Variants in KCNQ1OT1 observed in about 807,000 individuals in gnomAD.
KCNQ1OT1 encodes KCNQ1 opposite strand/antisense transcript 1.
At chr11:2,631,075 C>G (rs895956074) in exon 1 of KCNQ1OT1, 17 of 398,392 alleles carry the variant, frequency 4.3e-5, no homozygotes. Context: ...TAGATGGAAA[C>G]TAATTGTAAT....
At position 2,615,953 on chromosome 11, in the gene KCNQ1OT1, G is replaced by A. The variant is rs1272135242; in HGVS notation, n.84042C>T. 6 of 397,982 alleles carry A rather than the reference G, an allele frequency of 1.5e-5. No individual in the cohort carries two copies. In the Admixed American group the frequency reaches 1.8e-4, roughly 12 times the overall value. The allele number at this position is 397,982 out of a possible 1,614,324, so 24.7% of individuals were successfully genotyped here. On this transcript the variant is annotated non_coding_transcript_exon_variant, in exon 1 of 1. Transcript: ENST00000597346. ...AGGGATTGGTGTGAATTCTTCAAGT[G>A]TTTGGTATAATTCAACAGTGACGCC...
In KCNQ1OT1 at chr11:2,612,592, C is replaced by A. The variant is rs1040405259; in HGVS notation, n.87403G>T. 5.0e-6 allele frequency: 2 copies of A among 398,378 alleles called. No homozygotes were observed. Among genetic ancestry groups the A allele is most frequent in the African/African-American group, 4.1e-5 (2 of 48,608 alleles). The allele number at this position is 398,378 out of a possible 1,614,324, so 24.7% of individuals were successfully genotyped here. A position where few individuals can be genotyped will look rare whatever the true frequency, so the allele number is the denominator to read the frequency against. ...CAACTACAGAATTTCTATTTGGTTT[C>A]TAATTTCTATCTCTATATTGATATT... On this transcript the variant is annotated non_coding_transcript_exon_variant, in exon 1 of 1. Transcript: ENST00000597346. This position sits in a 1 kb window ranked among gnomAD's most constrained non-coding sequence, Gnocchi z 5.5.
At chr11:2,610,336 C>G (rs1848959286) in exon 1 of KCNQ1OT1, 1 of 397,914 alleles carries the variant, frequency 2.5e-6, no homozygotes. Flanking sequence ...TTATTATGCG[C>G]TATTATAATG....
Position 2,669,323 on chromosome 11 carries a change from C to T in KCNQ1OT1, n.30672G>A, listed in dbSNP as rs546651752. ...ATATGCCAGTTGCCATGGAAAGCCT[C>T]CTCTAGGCGCAGCAGCCTCTAGATG... On this transcript the variant is annotated non_coding_transcript_exon_variant, in exon 1 of 1. Transcript: ENST00000597346. This position sits in a 1 kb window ranked among gnomAD's most constrained non-coding sequence, Gnocchi z 5.6. The T allele has an allele frequency of 2.5e-6, 1 of 398,506 alleles. No individual in the cohort carries two copies. The highest frequency in any genetic ancestry group is 1.3e-4 in the South Asian group (1 of 7,856). The allele number at this position is 398,506 out of a possible 1,614,324, so 24.7% of individuals were successfully genotyped here. A position where few individuals can be genotyped will look rare whatever the true frequency, so the allele number is the denominator to read the frequency against.
Position 2,653,506 on chromosome 11 carries a change from T to A in KCNQ1OT1, n.46489A>T, listed in dbSNP as rs1849789878. The A allele has an allele frequency of 2.5e-6, 1 of 398,604 alleles. No homozygotes were observed. Among genetic ancestry groups the A allele is most frequent in the South Asian group, 1.3e-4 (1 of 7,858 alleles). The allele number at this position is 398,604 out of a possible 1,614,324, so 24.7% of individuals were successfully genotyped here. On this transcript the variant is annotated non_coding_transcript_exon_variant, in exon 1 of 1. Coordinates refer to ENST00000597346, the Ensembl canonical transcript of KCNQ1OT1. This position sits in a 1 kb window ranked among gnomAD's most constrained non-coding sequence, Gnocchi z 5.3. ...ACACAGCTGGACCCCAGAGCTGAGATGATCTTGCTCACTTGCTCTCACTCT... is the reference window on the plus strand; with the variant it reads ...ACACAGCTGGACCCCAGAGCTGAGAAGATCTTGCTCACTTGCTCTCACTCT...
chr11:2,630,456 T>TG, exon 1 of KCNQ1OT1: 1 of 398,362 alleles, frequency 2.5e-6, no homozygotes, highest in Admixed American at 4.4e-5. Context: ...CCTCTTTGTT[T>TG]GGGGGGAATA....
Position 2,617,779 on chromosome 11 carries a change from G to A in KCNQ1OT1, n.82216C>T, listed in dbSNP as rs1172621891. ...TAATTTTGATTTGCATTTCCCTGAC[G>A]ATTAGTGATGTTAAATGTCTTTTCA... On this transcript the variant is annotated non_coding_transcript_exon_variant, in exon 1 of 1. Transcript: ENST00000597346. The surrounding 1 kb of genome is among the most constrained non-coding windows in gnomAD (Gnocchi z 4.6). 5 of 398,372 alleles carry A rather than the reference G, an allele frequency of 1.3e-5. No homozygotes were observed. Among genetic ancestry groups the A allele is most frequent in the South Asian group, 1.3e-4 (1 of 7,856 alleles). 24.7% of individuals were successfully genotyped at this position (398,372 alleles called of 1,614,324 possible). A position where few individuals can be genotyped will look rare whatever the true frequency, so the allele number is the denominator to read the frequency against.
In KCNQ1OT1 at chr11:2,657,892, C is replaced by G. The variant is rs1849878342; in HGVS notation, n.42103G>C. 1 of 398,600 alleles carries G rather than the reference C, an allele frequency of 2.5e-6. No homozygotes were observed. Among genetic ancestry groups the G allele is most frequent in the Non-Finnish European group, 4.4e-6 (1 of 226,050 alleles). The allele number at this position is 398,600 out of a possible 1,614,324, so 24.7% of individuals were successfully genotyped here. Reference sequence around the variant, plus strand: ...GGAAGGAGGCCAGTGAGGTGAGATGCTTTCCTCATTGTGGAACATGACATC... The same window carrying G: ...GGAAGGAGGCCAGTGAGGTGAGATGGTTTCCTCATTGTGGAACATGACATC... On this transcript the variant is annotated non_coding_transcript_exon_variant, in exon 1 of 1. Transcript: ENST00000597346. This position sits in a 1 kb window ranked among gnomAD's most constrained non-coding sequence, Gnocchi z 4.8.
At position 2,674,432 on chromosome 11, in the gene KCNQ1OT1, G is replaced by C; in HGVS notation, n.25563C>G. On this transcript the variant is annotated non_coding_transcript_exon_variant, in exon 1 of 1. Transcript: ENST00000597346. This position sits in a 1 kb window ranked among gnomAD's most constrained non-coding sequence, Gnocchi z 5.9. ...GCGCGCCCGCGCGCACACGACCACA[G>C]AGGCTGGGGGGAGGCACGTGGGGAG... 5.0e-6 allele frequency: 2 copies of C among 398,644 alleles called. No homozygotes were observed. Among genetic ancestry groups the C allele is most frequent in the Non-Finnish European group, 4.4e-6 (1 of 226,096 alleles). 24.7% of individuals were successfully genotyped at this position (398,644 alleles called of 1,614,324 possible).
Position 2,651,234 on chromosome 11 carries a change from CA to C in KCNQ1OT1, n.48760del. ...TCTTGTGTCAGTCTCACAGCACACACAGCTTAATTCAGGAATTAAGCTGTGC... is the reference window on the plus strand; with the variant it reads ...TCTTGTGTCAGTCTCACAGCACACACGCTTAATTCAGGAATTAAGCTGTGC... On this transcript the variant is annotated non_coding_transcript_exon_variant, in exon 1 of 1. Transcript: ENST00000597346. The surrounding 1 kb of genome is among the most constrained non-coding windows in gnomAD (Gnocchi z 6.1). The C allele has an allele frequency of 2.5e-6, 1 of 398,696 alleles. No homozygotes were observed. Among genetic ancestry groups the C allele is most frequent in the Non-Finnish European group, 4.4e-6 (1 of 226,104 alleles). The allele number at this position is 398,696 out of a possible 1,614,324, so 24.7% of individuals were successfully genotyped here. A position where few individuals can be genotyped will look rare whatever the true frequency, so the allele number is the denominator to read the frequency against.
At chr11:2,672,653 A>G (rs2133870092) in exon 1 of KCNQ1OT1, 1 of 398,732 alleles carries the variant, frequency 2.5e-6, no homozygotes, top group East Asian at 3.6e-5. Context: ...CACTGAGACC[A>G]GATATGATAG....
In KCNQ1OT1 at chr11:2,651,718, C is replaced by T. The variant is rs1055703734; in HGVS notation, n.48277G>A. 5.0e-6 allele frequency: 2 copies of T among 398,482 alleles called. No homozygotes were observed. Among genetic ancestry groups the T allele is most frequent in the African/African-American group, 2.1e-5 (1 of 48,598 alleles). The allele number at this position is 398,482 out of a possible 1,614,324, so 24.7% of individuals were successfully genotyped here. A position where few individuals can be genotyped will look rare whatever the true frequency, so the allele number is the denominator to read the frequency against. On this transcript the variant is annotated non_coding_transcript_exon_variant, in exon 1 of 1. Coordinates refer to ENST00000597346, the Ensembl canonical transcript of KCNQ1OT1. The surrounding 1 kb of genome is among the most constrained non-coding windows in gnomAD (Gnocchi z 6.1). ...AATAGGCCATTTCCTAAGTAAGCAT[C>T]ATCCTCATTTCTATACGTTTTCTCT...
At position 2,642,144 on chromosome 11, in the gene KCNQ1OT1, T is replaced by A. The variant is rs1849590221; in HGVS notation, n.57851A>T. 2 of 398,298 alleles carry A rather than the reference T, an allele frequency of 5.0e-6. No individual in the cohort carries two copies. Among genetic ancestry groups the A allele is most frequent in the Non-Finnish European group, 8.9e-6 (2 of 225,928 alleles). The allele number at this position is 398,298 out of a possible 1,614,324, so 24.7% of individuals were successfully genotyped here. The stretch of plus-strand genomic sequence containing the variant: ...CATCTGAATTTTAGGATTTTTTCTA[T>A]TTCCATGAAAAATGGCATTGGTATT... On this transcript the variant is annotated non_coding_transcript_exon_variant, in exon 1 of 1. Transcript: ENST00000597346. This position sits in a 1 kb window ranked among gnomAD's most constrained non-coding sequence, Gnocchi z 4.3.
exon 1 of KCNQ1OT1, chr11:2,667,491 T>C: frequency 2.5e-6 from 1 of 397,956 alleles, no homozygotes; most frequent in Non-Finnish European, 4.4e-6. Context: ...AGAGAGAACA[T>C]TCACGCCACA....
exon 1 of KCNQ1OT1, chr11:2,675,044 G>A (rs1256165699): frequency 4.5e-5 from 18 of 398,484 alleles, no homozygotes; most frequent in East Asian, 2.5e-4. Flanking sequence ...GGTGGGGGAC[G>A]GGGATGCCAA....
At chr11:2,688,453 C>T in exon 1 of KCNQ1OT1, 2 of 398,754 alleles carry the variant, frequency 5.0e-6, no homozygotes, top group South Asian at 1.3e-4. Context: ...ATCACTATTT[C>T]ACAGGAGAAC....
chr11:2,648,577 A>G, exon 1 of KCNQ1OT1: 1 of 398,490 alleles, frequency 2.5e-6, no homozygotes, highest in Admixed American at 4.4e-5. Context: ...TATCTGTTCA[A>G]TTTCAGAAGT....
exon 1 of KCNQ1OT1, chr11:2,655,020 A>G (rs1849820087): frequency 5.0e-6 from 2 of 398,468 alleles, no homozygotes; most frequent in Admixed American, 8.8e-5. Context: ...GGAAATGAAA[A>G]TCACCCAAAG....
chr11:2,651,401 C>A lies in KCNQ1OT1; in HGVS notation n.48594G>T. 1 of 398,710 alleles carries A rather than the reference C, an allele frequency of 2.5e-6. No individual in the cohort carries two copies. Among genetic ancestry groups the A allele is most frequent in the South Asian group, 1.3e-4 (1 of 7,842 alleles). 24.7% of individuals were successfully genotyped at this position (398,710 alleles called of 1,614,324 possible). A position where few individuals can be genotyped will look rare whatever the true frequency, so the allele number is the denominator to read the frequency against. ...GCTGCCCCGGTGGTGGCTCACTTTC[C>A]ATTCCTTTTGGCCTGCCCTGTGTGC... On this transcript the variant is annotated non_coding_transcript_exon_variant, in exon 1 of 1. Coordinates refer to ENST00000597346, the Ensembl canonical transcript of KCNQ1OT1. This position sits in a 1 kb window ranked among gnomAD's most constrained non-coding sequence, Gnocchi z 6.1.
Sources: gnomAD v4.1 joint callset for allele counts on GRCh38, gnomAD v4.1.1 for gene constraint, Gnocchi (gnomAD v3.1) non-coding constraint, MANE v1.5 for transcripts, NCBI Gene and HGNC (gene_info 2026-07-23, HGNC 2026-07-21) for gene names.